The following ANKRD13C variants were observed in gnomAD, a reference collection of about 807,000 sequenced individuals.
The protein encoded by ANKRD13C is ankyrin repeat domain-containing protein 13C.
A neutral mutation model predicts 65.5 loss-of-function variants in ANKRD13C; 16 were observed. The ratio of observed to expected loss-of-function variants is 0.24; its 90% CI spans 0.17 to 0.37. The LOEUF (loss-of-function observed/expected upper bound fraction) is 0.37. Ranked by LOEUF, ANKRD13C falls within the 10% of genes least tolerant of loss-of-function variation. The probability of loss-of-function intolerance (pLI) is 1.00; values close to 1 mark genes in which losing one functional copy is unlikely to be tolerated. For missense variants in ANKRD13C, 503 were observed against 655.9 expected (o/e 0.77, Z 2.55); for synonymous variants, 235 against 238.7 (o/e 0.98, Z 0.14).
chr1:70,328,357 C>T lies in ANKRD13C; in HGVS notation c.473-3400G>A, dbSNP rs115106809. On this transcript the variant is annotated intron_variant, in intron 2 of 12. Coordinates refer to ENST00000370944, the MANE Select transcript of ANKRD13C (RefSeq NM_030816.5). Reference sequence around the variant, plus strand: ...TCAACACAGAAGTATATAATGATTGCATTGTTTAAAAAGGAATGAGTAAGC... The same window carrying T: ...TCAACACAGAAGTATATAATGATTGTATTGTTTAAAAAGGAATGAGTAAGC... Among the ~76,000 whole-genome samples, 579 of 152,142 alleles carry T rather than the reference C, an allele frequency of 3.8e-3. 2 individuals carry two copies. Among genetic ancestry groups the T allele is most frequent in the African/African-American group, 0.013 (530 of 41,512 alleles).
chr1:70,283,563 TC>T (rs1679489849), intron 9 of ANKRD13C, among the ~76,000 whole-genome samples: 1 of 152,072 alleles, frequency 6.6e-6, no homozygotes, highest in African/African-American at 2.4e-5. Context: ...ACACCTGTAA[TC>T]CCAGCACTTT....
chr1:70,281,108 A>C (rs911211406), intron 9 of ANKRD13C, among the ~76,000 whole-genome samples: 2 of 152,088 alleles, frequency 1.3e-5, no homozygotes, highest in Non-Finnish European at 2.9e-5. Flanking sequence ...AGACACACTA[A>C]ATTTTAGACA....
Position 70,262,837 on chromosome 1 carries a change from C to T in ANKRD13C, c.1506G>A (p.Val502=), listed in dbSNP as rs979076017. The T allele has an allele frequency of 6.2e-7, 1 of 1,609,380 alleles. No individual in the cohort carries two copies. Among genetic ancestry groups the T allele is most frequent in the Non-Finnish European group, 8.5e-7 (1 of 1,177,648 alleles). Residue 502 remains valine, a synonymous_variant, in exon 13 of 13, where the codon GTG becomes GTA. Transcript: ENST00000370944. ...TCACAGTGGCTGTGATTGTGGGAAA[C>T]ACAGGTATATCTACAGAGAGAACAT... The part of the protein sequence containing the change: ...PGFPVKLDIP[V]FPTITATVTF...
chr1:70,344,484 G>A (rs947800367), intron 1 of ANKRD13C, among the ~76,000 whole-genome samples: 16 of 151,508 alleles, frequency 1.1e-4, no homozygotes, highest in African/African-American at 3.9e-4. Context: ...ATGAATAAAT[G>A]CAAATAATCA....
chr1:70,331,614 G>A (rs1003486541), intron 2 of ANKRD13C, among the ~76,000 whole-genome samples: 1 of 151,862 alleles, frequency 6.6e-6, no homozygotes, highest in Non-Finnish European at 1.5e-5. Context: ...GGCTGAGGTG[G>A]GTAAATCACC....
chr1:70,280,415 G>C (rs1214442833), intron 9 of ANKRD13C, among the ~76,000 whole-genome samples: 1 of 152,212 alleles, frequency 6.6e-6, no homozygotes, highest in African/African-American at 2.4e-5. Flanking sequence ...CAAGTGTAGT[G>C]TGTCTAGTTG....
At chr1:70,271,540 A>G (rs2101121236) in intron 11 of ANKRD13C, among the ~76,000 whole-genome samples, 1 of 152,288 alleles carries the variant, frequency 6.6e-6, no homozygotes, top group Middle Eastern at 3.4e-3. Context: ...GTGCTTGAGA[A>G]TATCTTCAGT....
chr1:70,264,877 T>C (rs1439199258), intron 12 of ANKRD13C, among the ~76,000 whole-genome samples: 6 of 152,126 alleles, frequency 3.9e-5, no homozygotes, highest in African/African-American at 7.2e-5. Flanking sequence ...AAAACCTCAA[T>C]GAAGGGACTT....
At chr1:70,327,175 T>A (rs924067933) in intron 2 of ANKRD13C, among the ~76,000 whole-genome samples, 8 of 152,188 alleles carry the variant, frequency 5.3e-5, no homozygotes, top group Admixed American at 1.3e-4. Context: ...ATTTGAAGAT[T>A]ATCACTTACA....
rs1358989804 is a variant in ANKRD13C at position 70,318,694 on chromosome 1, T to TG, written c.578-3129_578-3128insC. 6.1e-5 allele frequency among the ~76,000 whole-genome samples: 9 copies of TG among 147,824 alleles called. 1 individual carries two copies. Among genetic ancestry groups the TG allele is most frequent in the Admixed American group, 2.7e-4 (4 of 14,676 alleles). ...ATCAATCTTTGTTTTTTTTTTTTTT[T>TG]TTTTTTTGAGACGGAGTCTCGCTCT... On this transcript the variant is annotated intron_variant, in intron 3 of 12. Coordinates refer to ENST00000370944, the MANE Select transcript of ANKRD13C (RefSeq NM_030816.5).
In ANKRD13C at chr1:70,354,515, G is replaced by T; in HGVS notation, c.-107C>A. On this transcript the variant is annotated 5_prime_UTR_variant, in exon 1 of 13. The change creates a premature stop within an existing upstream ORF in the 5' untranslated region. Transcript: ENST00000370944. ...AGAGCGGTGGCCAAGAGCCTCCAGC[G>T]CAGCATGAACTCCCACTGAGCCCCC... 6.9e-7 allele frequency: 1 copy of T among 1,456,130 alleles called. No individual in the cohort carries two copies. The highest frequency in any genetic ancestry group is 9.0e-7 in the Non-Finnish European group (1 of 1,109,774). The allele number at this position is 1,456,130 out of a possible 1,614,324, so 90.2% of individuals were successfully genotyped here.
chr1:70,323,972 C>T (rs1220685415), intron 3 of ANKRD13C, among the ~76,000 whole-genome samples: 5 of 151,900 alleles, frequency 3.3e-5, no homozygotes, highest in East Asian at 3.9e-4. Context: ...GTGATCCACC[C>T]GCCTCAGCCT....
intron 2 of ANKRD13C, among the ~76,000 whole-genome samples, chr1:70,331,857 T>C (rs879762413): frequency 3.7e-5 from 5 of 135,716 alleles, no homozygotes; most frequent in Non-Finnish European, 7.9e-5. Context: ...ACACTAAGTA[T>C]AAAGTAGATG....
intron 9 of ANKRD13C, among the ~76,000 whole-genome samples, chr1:70,291,681 C>T (rs954835811): frequency 6.6e-6 from 1 of 152,130 alleles, no homozygotes; most frequent in Non-Finnish European, 1.5e-5. Context: ...GAATTAAGCA[C>T]CTGTAATCCC....
At chr1:70,265,869 AG>A (rs1558256725) in intron 12 of ANKRD13C, among the ~76,000 whole-genome samples, 2 of 146,952 alleles carry the variant, frequency 1.4e-5, no homozygotes, top group African/African-American at 2.6e-5. Flanking sequence ...AAAGAAAAGA[AG>A]AAGGAAGGAA....
chr1:70,320,572 C>T (rs1177094688), intron 3 of ANKRD13C, among the ~76,000 whole-genome samples: 3 of 152,008 alleles, frequency 2.0e-5, no homozygotes, highest in East Asian at 1.9e-4. Context: ...CAGGCTCAAG[C>T]GACCCACCTG....
chr1:70,267,349 T>C (rs1031214422), intron 12 of ANKRD13C, among the ~76,000 whole-genome samples: 1 of 152,156 alleles, frequency 6.6e-6, no homozygotes, highest in African/African-American at 2.4e-5. Flanking sequence ...TAGCAGACAA[T>C]TGGATCATGG....
intron 5 of ANKRD13C, among the ~76,000 whole-genome samples, chr1:70,311,212 G>C (rs566305360): frequency 2.0e-5 from 3 of 152,120 alleles, no homozygotes; most frequent in Non-Finnish European, 4.4e-5. Context: ...AAAAATGATG[G>C]CTGGGTGTAG....
At chr1:70,310,997 T>C (rs1241297389) in intron 5 of ANKRD13C, among the ~76,000 whole-genome samples, 3 of 152,192 alleles carry the variant, frequency 2.0e-5, no homozygotes, top group Non-Finnish European at 4.4e-5. Flanking sequence ...TGCATAATCA[T>C]TAATAGAGAC....
Sources: gnomAD v4.1 joint callset for allele counts (sites outside exome capture counted in the v4.1 genomes callset) on GRCh38, gnomAD v4.1.1 for gene constraint, MANE v1.5 for transcripts, NCBI Gene and HGNC (gene_info 2026-07-23, HGNC 2026-07-21) for gene names.